Variants in MARCHF11 observed in about 807,000 individuals in gnomAD.
The protein encoded by MARCHF11 is E3 ubiquitin-protein ligase MARCHF11.
In MARCHF11, 29 loss-of-function variants were observed where a neutral mutation model predicts 37.3. The observed-to-expected ratio is 0.78, with a 90% CI of 0.58 to 1.06. MARCHF11 has a LOEUF of 1.06. Ranked by LOEUF, MARCHF11 falls within the 50% of genes least tolerant of loss-of-function variation. MARCHF11 has a pLI of 0.00. For synonymous variants in MARCHF11, 233 were observed against 228.0 expected (o/e 1.02, Z -0.20); for missense variants, 482 against 533.4 (o/e 0.90, Z 0.95).
intron 3 of MARCHF11, among the ~76,000 whole-genome samples, chr5:16,070,769 T>C (rs1271606706): frequency 1.3e-5 from 2 of 152,212 alleles, no homozygotes; most frequent in East Asian, 3.9e-4. Context: ...CACAGTCCCT[T>C]TGAATTTCCA....
chr5:16,119,661 A>C (rs1467408464), intron 2 of MARCHF11, among the ~76,000 whole-genome samples: 1 of 152,156 alleles, frequency 6.6e-6, no homozygotes, highest in Non-Finnish European at 1.5e-5. Context: ...TGTTTAAAAA[A>C]AAATGCCTAT....
At chr5:16,143,234 G>A (rs369837377) in intron 2 of MARCHF11, among the ~76,000 whole-genome samples, 3 of 152,136 alleles carry the variant, frequency 2.0e-5, no homozygotes, top group South Asian at 4.1e-4. Context: ...AAATAGCCTC[G>A]TATAGAGTCA....
rs1553996992 is a variant in MARCHF11, at chr5:16,134,998, T to TCACACACA, written c.693+42720_693+42727dup. On this transcript the variant is annotated intron_variant, in intron 2 of 3. Transcript: ENST00000332432. ...TGATTTCTCTCTCTCTCTCTCTCTC[T>TCACACACA]CACACACACACACACACACACACAC... is the stretch of plus-strand genomic sequence containing the variant. Among the ~76,000 whole-genome samples the TCACACACA allele has an allele frequency of 3.5e-4, 51 of 143,802 alleles. No individual in the cohort carries two copies. In the East Asian group the frequency reaches 8.7e-3, roughly 24 times the overall value. 94.3% of individuals were successfully genotyped at this position (143,802 alleles called of 152,430 possible).
intron 2 of MARCHF11, among the ~76,000 whole-genome samples, chr5:16,176,177 T>A (rs1409185740): frequency 6.6e-6 from 1 of 151,990 alleles, no homozygotes; most frequent in Admixed American, 6.6e-5. Context: ...TCAAAATTAA[T>A]CATCCTAAAT....
intron 3 of MARCHF11, among the ~76,000 whole-genome samples, chr5:16,085,671 C>T (rs1201594475): frequency 2.6e-5 from 4 of 151,822 alleles, no homozygotes; most frequent in African/African-American, 7.3e-5. Context: ...CTTATTACTC[C>T]GCCGGGCGCA....
At chr5:16,069,157 C>A (rs1032871886) in intron 3 of MARCHF11, among the ~76,000 whole-genome samples, 2 of 152,114 alleles carry the variant, frequency 1.3e-5, no homozygotes, top group African/African-American at 4.8e-5. Flanking sequence ...TAAAATGAAA[C>A]ATAGTCATCT....
intron 3 of MARCHF11, among the ~76,000 whole-genome samples, chr5:16,070,996 T>C (rs1474447887): frequency 6.6e-6 from 1 of 152,166 alleles, no homozygotes; most frequent in East Asian, 1.9e-4. Context: ...ACACCTTTTG[T>C]GCTAGTGGTT....
chr5:16,074,843 G>A (rs1736491996), intron 3 of MARCHF11, among the ~76,000 whole-genome samples: 1 of 152,178 alleles, frequency 6.6e-6, no homozygotes, highest in East Asian at 1.9e-4. Context: ...CAATAATGAA[G>A]ATCCTAAATG....
intron 2 of MARCHF11, among the ~76,000 whole-genome samples, chr5:16,111,752 G>C (rs909972054): frequency 6.6e-6 from 1 of 152,194 alleles, no homozygotes; most frequent in Non-Finnish European, 1.5e-5. Flanking sequence ...GCATGTCAGA[G>C]ACCTTTGGAG....
intron 2 of MARCHF11, among the ~76,000 whole-genome samples, chr5:16,121,739 C>T (rs928976032): frequency 2.0e-5 from 3 of 152,166 alleles, no homozygotes; most frequent in Admixed American, 6.5e-5. Flanking sequence ...AGTCTCCATT[C>T]ATAGATCCAA....
chr5:16,159,781 G>A (rs1579419124), intron 2 of MARCHF11, among the ~76,000 whole-genome samples: 1 of 151,720 alleles, frequency 6.6e-6, no homozygotes, highest in Non-Finnish European at 1.5e-5. Context: ...GGAGATGGTC[G>A]GTGCCTCAAT....
intron 3 of MARCHF11, among the ~76,000 whole-genome samples, chr5:16,086,124 T>C (rs149008834): frequency 3.2e-4 from 48 of 152,256 alleles, no homozygotes; most frequent in African/African-American, 1.1e-3. Context: ...TTTAAATACA[T>C]TGTTGTACAT....
chr5:16,171,095 T>TTTTA lies in MARCHF11; in HGVS notation c.693+6627_693+6630dup, dbSNP rs761405833. Among the ~76,000 whole-genome samples the TTTTA allele has an allele frequency of 1.4e-3, 215 of 152,186 alleles. 2 individuals carry two copies. In the East Asian group the frequency reaches 0.015, roughly 11 times the overall value. ...AATACGGAAAAGTTAATAGCATTTCTTTTATTTATTTATTTATTTATTATT... is the reference window on the plus strand; with the variant it reads ...AATACGGAAAAGTTAATAGCATTTCTTTTATTTATTTATTTATTTATTTATTATT... On this transcript the variant is annotated intron_variant, in intron 2 of 3. Coordinates refer to ENST00000332432, the MANE Select transcript of MARCHF11 (RefSeq NM_001102562.3).
chr5:16,067,824 G>A (rs1262947841), intron 3 of MARCHF11, 31 bp from the exon 4 acceptor site: 4 of 1,569,368 alleles, frequency 2.5e-6, no homozygotes, highest in South Asian at 2.3e-5. Context: ...AAACCAAAAA[G>A]ACTGGTGATA....
chr5:16,090,944 G>A lies in MARCHF11; in HGVS notation c.831C>T (p.Asp277=). The change falls in exon 3 of 4, where the codon GAC becomes GAT. Residue 277 remains aspartate (D), a synonymous_variant. Transcript: ENST00000332432. Reference sequence around the variant, plus strand: ...TTCCATAGCAGATCTGAAAAAGGATGTCCTTCCTCTGCCACACTGCATAGG... The same window carrying A: ...TTCCATAGCAGATCTGAAAAAGGATATCCTTCCTCTGCCACACTGCATAGG... The part of the protein sequence containing the change: ...FSPYAVWQRK[D]ILFQICYGMY... 6.2e-7 allele frequency: 1 copy of A among 1,611,262 alleles called. No homozygotes were observed. Among genetic ancestry groups the A allele is most frequent in the East Asian group, 2.2e-5 (1 of 44,758 alleles).
chr5:16,125,857 G>A (rs926763622), intron 2 of MARCHF11, among the ~76,000 whole-genome samples: 1 of 152,244 alleles, frequency 6.6e-6, no homozygotes, highest in East Asian at 1.9e-4. Flanking sequence ...CAGTAGGTGT[G>A]CAAAGTAAGC....
rs551911248 is a variant in MARCHF11, at chr5:16,170,604, C to T, written c.693+7122G>A. Among the ~76,000 whole-genome samples, 6 of 152,230 alleles carry T rather than the reference C, an allele frequency of 3.9e-5. No homozygotes were observed. In the East Asian group the frequency reaches 9.6e-4, roughly 24 times the overall value. On this transcript the variant is annotated intron_variant, in intron 2 of 3. Coordinates refer to ENST00000332432, the MANE Select transcript of MARCHF11 (RefSeq NM_001102562.3). The stretch of plus-strand genomic sequence containing the variant: ...TACTCTCACTCAGAAATAATATAAC[C>T]TCCATGGTTCTTGCCACCTTACAAA...
chr5:16,134,996 TCTCACA>T (rs1374443473), intron 2 of MARCHF11, among the ~76,000 whole-genome samples: 2 of 121,174 alleles, frequency 1.7e-5, no homozygotes, highest in African/African-American at 6.1e-5. Context: ...TCTCTCTCTC[TCTCACA>T]CACACACACA....
intron 2 of MARCHF11, among the ~76,000 whole-genome samples, chr5:16,135,926 T>TAA (rs5866172): frequency 9.7e-6 from 1 of 102,896 alleles, no homozygotes; most frequent in African/African-American, 3.3e-5. Flanking sequence ...GAGAAAGAAA[T>TAA]AAAAAAAAGG....
Sources: allele counts gnomAD v4.1 joint callset (sites outside exome capture counted in the v4.1 genomes callset), GRCh38; gene constraint gnomAD v4.1.1; transcripts MANE v1.5; gene names NCBI Gene and HGNC (gene_info 2026-07-23, HGNC 2026-07-21).